MPPED1: variants seen among roughly 807,000 people sequenced by gnomAD.
MPPED1 encodes metallophosphoesterase domain containing 1, also known as metallophosphoesterase domain-containing protein 1.
Under a neutral mutation model 36.2 loss-of-function variants are expected in MPPED1, and 16 were observed. That is an observed-to-expected ratio of 0.44 (90% CI 0.30 to 0.67). MPPED1 has a LOEUF of 0.67. MPPED1 is among the 30% of genes least tolerant of loss of function. The pLI is 0.10. For missense variants in MPPED1, 307 were observed against 453.4 expected (o/e 0.68, Z 2.93); for synonymous variants, 199 against 191.3 (o/e 1.04, Z -0.33).
At chr22:43,500,244 GCAGTGA>G (rs1932655003) in intron 5 of MPPED1, among the ~76,000 whole-genome samples, 1 of 125,028 alleles carries the variant, frequency 8.0e-6, no homozygotes, top group East Asian at 2.1e-4. Context: ...GATGGAGGTG[GCAGTGA>G]TGATGGTGGT....
intron 4 of MPPED1, among the ~76,000 whole-genome samples, chr22:43,485,025 TCA>T (rs987964151): frequency 5.9e-5 from 9 of 151,812 alleles, no homozygotes; most frequent in African/African-American, 2.2e-4. Flanking sequence ...AGACACACAC[TCA>T]CACACACACA....
chr22:43,507,770 C>T lies in MPPED1; in HGVS notation c.*2154C>T, dbSNP rs1426024203. On this transcript the variant is annotated 3_prime_UTR_variant, in exon 7 of 7. Transcript: ENST00000443721. ...ACGGCGTGCTTCTCAATCATTTTGG[C>T]ATAACTTGATTGTGGCTGTAATTTT... 1 of 150,028 alleles carries T rather than the reference C, an allele frequency of 6.7e-6. No homozygotes were observed. Among genetic ancestry groups the T allele is most frequent in the Non-Finnish European group, 1.5e-5 (1 of 67,798 alleles). 9.3% of individuals were successfully genotyped at this position (150,028 alleles called of 1,614,324 possible). A position where few individuals can be genotyped will look rare whatever the true frequency, so the allele number is the denominator to read the frequency against.
chr22:43,463,142 G>T (rs2146869764), intron 3 of MPPED1, among the ~76,000 whole-genome samples: 1 of 151,748 alleles, frequency 6.6e-6, no homozygotes, highest in Non-Finnish European at 1.5e-5. Flanking sequence ...TATATAACCT[G>T]TTGGGTTTCT....
chr22:43,496,225 G>A (rs1200168387), intron 4 of MPPED1, among the ~76,000 whole-genome samples: 1 of 110,566 alleles, frequency 9.0e-6, no homozygotes, highest in African/African-American at 4.2e-5. Context: ...TGGTGGAGAT[G>A]GTGGTGGTGG....
intron 1 of MPPED1, among the ~76,000 whole-genome samples, chr22:43,416,010 C>A (rs1929066257): frequency 6.6e-6 from 1 of 152,234 alleles, no homozygotes; most frequent in Admixed American, 6.5e-5. Flanking sequence ...GACAGTGCTG[C>A]AGTCTGCAAG....
rs903183713 is a variant in MPPED1 at position 43,507,736 on chromosome 22, A to C, written c.*2120A>C. On this transcript the variant is annotated 3_prime_UTR_variant, in exon 7 of 7. Transcript: ENST00000443721. ...AAAATTCATTAAAAGTCCTCGAGGT[A>C]TGAAGATGACGGCGTGCTTCTCAAT... 1 of 152,084 alleles carries C rather than the reference A, an allele frequency of 6.6e-6. No individual in the cohort carries two copies. The highest frequency in any genetic ancestry group is 1.5e-5 in the Non-Finnish European group (1 of 68,020). 9.4% of individuals were successfully genotyped at this position (152,084 alleles called of 1,614,324 possible).
intron 4 of MPPED1, among the ~76,000 whole-genome samples, chr22:43,478,727 G>A (rs866476725): frequency 6.6e-6 from 1 of 152,168 alleles, no homozygotes; most frequent in Middle Eastern, 3.2e-3. Context: ...GGTGCCGCCA[G>A]AACCCAGGTC....
intron 1 of MPPED1, among the ~76,000 whole-genome samples, chr22:43,421,204 G>A (rs1281573196): frequency 6.6e-6 from 1 of 152,256 alleles, no homozygotes; most frequent in Admixed American, 6.5e-5. Context: ...CCTCCTCCGT[G>A]GATCGGCTGC....
intron 3 of MPPED1, among the ~76,000 whole-genome samples, chr22:43,438,404 A>G (rs1440662486): frequency 6.6e-6 from 1 of 152,038 alleles, no homozygotes; most frequent in Non-Finnish European, 1.5e-5. Context: ...GAGTGTTGGG[A>G]AGTGGGAGAA....
intron 3 of MPPED1, among the ~76,000 whole-genome samples, chr22:43,444,279 G>GATGT (rs1555899567): frequency 6.3e-5 from 9 of 141,934 alleles, no homozygotes; most frequent in African/African-American, 2.1e-4. Flanking sequence ...GACCCACTGG[G>GATGT]GTGTGTGTGT....
chr22:43,446,434 G>T (rs567347671), intron 3 of MPPED1, among the ~76,000 whole-genome samples: 4 of 152,172 alleles, frequency 2.6e-5, no homozygotes, highest in Non-Finnish European at 2.9e-5. Context: ...AAGGGATGGG[G>T]AAGGGCCGGA....
intron 3 of MPPED1, among the ~76,000 whole-genome samples, chr22:43,463,655 A>T (rs1379189422): frequency 1.3e-5 from 2 of 152,154 alleles, no homozygotes; most frequent in Non-Finnish European, 2.9e-5. Context: ...CTAAAATTTC[A>T]TGGGTGCAAT....
At chr22:43,500,807 G>C (rs562845029) in intron 5 of MPPED1, among the ~76,000 whole-genome samples, 16 of 152,188 alleles carry the variant, frequency 1.1e-4, no homozygotes, top group African/African-American at 3.4e-4. Flanking sequence ...ACACATTCGG[G>C]GGTGAGGGAA....
At chr22:43,493,979 C>A (rs1932179191) in intron 4 of MPPED1, among the ~76,000 whole-genome samples, 1 of 152,138 alleles carries the variant, frequency 6.6e-6, no homozygotes, top group African/African-American at 2.4e-5. Flanking sequence ...GAGGCCTCTG[C>A]AAGATTGGTT....
Position 43,417,505 on chromosome 22 carries a change from T to C in MPPED1, c.-79+5347T>C, listed in dbSNP as rs144314180. On this transcript the variant is annotated intron_variant, in intron 1 of 6. Transcript: ENST00000443721. The stretch of plus-strand genomic sequence containing the variant: ...CTACTATGGGCTCATCAATTGCATA[T>C]TTTCAAGCAGAGGCAAAACAAGGAA... 3.8e-4 allele frequency among the ~76,000 whole-genome samples: 57 copies of C among 151,776 alleles called. No homozygotes were observed. In the East Asian group the frequency reaches 0.011, roughly 29 times the overall value.
rs370928359 is a variant in MPPED1 at position 43,505,663 on chromosome 22, G to T, written c.*47G>T. The T allele has an allele frequency of 1.7e-4, 257 of 1,506,326 alleles. No homozygotes were observed. Among genetic ancestry groups the T allele is most frequent in the Non-Finnish European group, 2.2e-4 (245 of 1,104,002 alleles). The allele number at this position is 1,506,326 out of a possible 1,614,324, so 93.3% of individuals were successfully genotyped here. On this transcript the variant is annotated 3_prime_UTR_variant, in exon 7 of 7. Transcript: ENST00000443721. Reference sequence around the variant, plus strand: ...CTGCCCGCCCGTGTCAGCTCCACAGGCCTGGCCCGGCCACTGTTCCTTCCA... The same window carrying T: ...CTGCCCGCCCGTGTCAGCTCCACAGTCCTGGCCCGGCCACTGTTCCTTCCA...
At chr22:43,459,032 T>A (rs1457201921) in intron 3 of MPPED1, among the ~76,000 whole-genome samples, 1 of 152,104 alleles carries the variant, frequency 6.6e-6, no homozygotes, top group Non-Finnish European at 1.5e-5. Flanking sequence ...ATGTTTTTCA[T>A]CAAATTTGGG....
chr22:43,417,140 C>G, intron 1 of MPPED1: 1 of 429,284 alleles, frequency 2.3e-6, no homozygotes, highest in Non-Finnish European at 3.1e-6. Flanking sequence ...AGTCATAATT[C>G]AAAATGGGCC....
chr22:43,418,001 G>A (rs1929134458), intron 1 of MPPED1: 1 of 455,604 alleles, frequency 2.2e-6, no homozygotes, highest in East Asian at 7.0e-5. Context: ...TAATAAGACA[G>A]TCGTTTCTGT....
Sources: allele counts gnomAD v4.1 joint callset (sites outside exome capture counted in the v4.1 genomes callset), GRCh38; gene constraint gnomAD v4.1.1; transcripts MANE v1.5; gene names NCBI Gene and HGNC (gene_info 2026-07-23, HGNC 2026-07-21).